ARHGAP10: variants seen among roughly 807,000 people sequenced by gnomAD.
The protein encoded by ARHGAP10 is Rho GTPase activating protein 10.
A neutral mutation model predicts 108.6 loss-of-function variants in ARHGAP10; 87 were observed. That is an observed-to-expected ratio of 0.80 (90% CI 0.67 to 0.96). The LOEUF is 0.96. ARHGAP10 is among the 40% of genes least tolerant of loss of function. ARHGAP10 has a pLI of 0.00. For synonymous variants in ARHGAP10, 347 were observed against 341.1 expected (o/e 1.02, Z -0.19); for missense variants, 939 against 954.5 (o/e 0.98, Z 0.21).
intron 13 of ARHGAP10, among the ~76,000 whole-genome samples, chr4:147,926,410 T>C (rs1737463571): frequency 6.6e-6 from 1 of 152,138 alleles, no homozygotes; most frequent in Admixed American, 6.5e-5. Flanking sequence ...GATGACCTGC[T>C]GGATATTGGA....
chr4:147,823,497 C>T (rs1732588944), intron 3 of ARHGAP10, among the ~76,000 whole-genome samples: 1 of 152,104 alleles, frequency 6.6e-6, no homozygotes, highest in African/African-American at 2.4e-5. Flanking sequence ...GTGGGTCATG[C>T]CTGAAATTCT....
intron 1 of ARHGAP10, among the ~76,000 whole-genome samples, chr4:147,753,646 C>T (rs1729256309): frequency 6.6e-6 from 1 of 152,038 alleles, no homozygotes; most frequent in South Asian, 2.1e-4. Context: ...GAGCCACTGC[C>T]CCTGGCCTGA....
intron 8 of ARHGAP10, among the ~76,000 whole-genome samples, chr4:147,875,463 A>C (rs1313486224): frequency 2.0e-5 from 3 of 152,090 alleles, no homozygotes; most frequent in Non-Finnish European, 4.4e-5. Context: ...TAAGGCTGAA[A>C]ATGAGCCAGA....
chr4:147,964,613 A>G (rs761219492), intron 16 of ARHGAP10, among the ~76,000 whole-genome samples: 7 of 152,224 alleles, frequency 4.6e-5, no homozygotes, highest in Non-Finnish European at 8.8e-5. Context: ...TATCCTGTTC[A>G]ACCTGTAACA....
chr4:147,784,818 AATAT>A (rs1252424573), intron 1 of ARHGAP10, among the ~76,000 whole-genome samples: 2 of 26,480 alleles, frequency 7.6e-5, no homozygotes, highest in Non-Finnish European at 3.8e-4. Flanking sequence ...TATATTATAA[AATAT>A]ATATTATAAA....
chr4:147,890,658 C>T (rs1489546935), intron 10 of ARHGAP10, among the ~76,000 whole-genome samples: 1 of 152,166 alleles, frequency 6.6e-6, no homozygotes, highest in Non-Finnish European at 1.5e-5. Flanking sequence ...GAAACCCCAT[C>T]TCTACTAAAA....
At chr4:147,917,724 TTGAAA>T (rs1027930207) in intron 13 of ARHGAP10, among the ~76,000 whole-genome samples, 3 of 152,242 alleles carry the variant, frequency 2.0e-5, no homozygotes, top group African/African-American at 7.2e-5. Context: ...ACTAAAACTT[TTGAAA>T]TGAAATATTT....
intron 20 of ARHGAP10, among the ~76,000 whole-genome samples, chr4:148,052,539 G>A (rs1729192803): frequency 6.6e-6 from 1 of 151,876 alleles, no homozygotes; most frequent in Admixed American, 6.6e-5. Context: ...AAAACTTCCT[G>A]CATCTTTCTT....
chr4:147,946,777 G>A (rs899297805), intron 15 of ARHGAP10, 73 bp downstream of exon 15: 60 of 1,150,432 alleles, frequency 5.2e-5, no homozygotes, highest in Non-Finnish European at 6.5e-5. Flanking sequence ...TGCCAATTGT[G>A]TACATAAATA....
Position 147,781,474 on chromosome 4 carries a change from T to C in ARHGAP10, c.155-41253T>C, listed in dbSNP as rs113629943. 4.5e-3 allele frequency among the ~76,000 whole-genome samples: 682 copies of C among 152,274 alleles called. 9 individuals carry two copies. Among genetic ancestry groups the C allele is most frequent in the East Asian group, 0.035 (183 of 5,180 alleles). On this transcript the variant is annotated intron_variant, in intron 1 of 22. Transcript: ENST00000336498. The stretch of plus-strand genomic sequence containing the variant: ...ACATTTAAAAATACGGGGAGCTACT[T>C]TTACATCTTAAATACCGCCTTGTCA...
rs749557853 is a variant in ARHGAP10, at chr4:148,072,095, A to G, written c.*14A>G. The stretch of plus-strand genomic sequence containing the variant: ...AAGCTGCTGTAGCTCCTGGCCTCAG[A>G]GCCCCTGCTGACCCTGGCACCCAGG... On this transcript the variant is annotated 3_prime_UTR_variant, in exon 23 of 23. Coordinates refer to ENST00000336498, the MANE Select transcript of ARHGAP10 (RefSeq NM_024605.4). The G allele has an allele frequency of 2.5e-6, 4 of 1,607,712 alleles. No homozygotes were observed. Among genetic ancestry groups the G allele is most frequent in the Non-Finnish European group, 3.4e-6 (4 of 1,177,594 alleles).
At chr4:148,048,726 A>G (rs572337961) in intron 20 of ARHGAP10, among the ~76,000 whole-genome samples, 3 of 152,332 alleles carry the variant, frequency 2.0e-5, no homozygotes, top group South Asian at 4.1e-4. Flanking sequence ...TTTCTTCTGT[A>G]GCAGTTCTGC....
intron 18 of ARHGAP10, among the ~76,000 whole-genome samples, chr4:147,975,376 G>A (rs1420476937): frequency 6.6e-6 from 1 of 152,156 alleles, no homozygotes; most frequent in Non-Finnish European, 1.5e-5. Flanking sequence ...AGCCTAGACA[G>A]AGCAGTAGGG....
At chr4:147,927,909 A>G (rs1448230075) in intron 13 of ARHGAP10, among the ~76,000 whole-genome samples, 2 of 152,176 alleles carry the variant, frequency 1.3e-5, no homozygotes, top group African/African-American at 4.8e-5. Flanking sequence ...CCCAAAGGTT[A>G]CTAATGAAAT....
intron 12 of ARHGAP10, among the ~76,000 whole-genome samples, chr4:147,909,979 C>A (rs1736668891): frequency 6.6e-6 from 1 of 151,994 alleles, no homozygotes; most frequent in African/African-American, 2.4e-5. Flanking sequence ...ACTACTGTAG[C>A]CCTTGTTGAT....
intron 15 of ARHGAP10, among the ~76,000 whole-genome samples, chr4:147,951,399 G>A (rs1738593360): frequency 1.1e-5 from 1 of 87,218 alleles, no homozygotes; most frequent in African/African-American, 3.1e-5. Context: ...CTGTGGTATA[G>A]TTGATTTTTT....
chr4:148,066,083 A>G (rs1452442461), intron 22 of ARHGAP10, among the ~76,000 whole-genome samples: 1 of 151,990 alleles, frequency 6.6e-6, no homozygotes, highest in African/African-American at 2.4e-5. Flanking sequence ...GTTATCAAAG[A>G]CCAAAGTATT....
At chr4:147,840,717 C>A (rs1042697628) in intron 3 of ARHGAP10, among the ~76,000 whole-genome samples, 2 of 152,188 alleles carry the variant, frequency 1.3e-5, no homozygotes, top group Non-Finnish European at 2.9e-5. Context: ...CACACCTGAG[C>A]AGTTGCCTTT....
intron 10 of ARHGAP10, among the ~76,000 whole-genome samples, chr4:147,882,462 C>CAAAAA (rs111560424): frequency 3.4e-5 from 5 of 145,248 alleles, no homozygotes; most frequent in Admixed American, 6.8e-5. Flanking sequence ...GACTCCGTTT[C>CAAAAA]AAAAAAAAAA....
Sources: gnomAD v4.1 joint callset for allele counts (sites outside exome capture counted in the v4.1 genomes callset) on GRCh38, gnomAD v4.1.1 for gene constraint, MANE v1.5 for transcripts, NCBI Gene and HGNC (gene_info 2026-07-23, HGNC 2026-07-21) for gene names.